TFR2: variants seen among roughly 807,000 people sequenced by gnomAD.
The protein encoded by TFR2 is transferrin receptor protein 2.
A neutral mutation model predicts 91.9 loss-of-function variants in TFR2; 64 were observed. That is an observed-to-expected ratio of 0.70 (90% confidence interval 0.57 to 0.86). The LOEUF is 0.86. Ranked by LOEUF, TFR2 falls within the 40% of genes least tolerant of loss-of-function variation. The probability of loss-of-function intolerance (pLI) is 0.00; values close to 1 mark genes in which losing one functional copy is unlikely to be tolerated. For missense variants in TFR2, 950 were observed against 1,080.5 expected, an observed-to-expected ratio of 0.88 and a Z score of 1.69; for synonymous variants, 454 against 459.6, an observed-to-expected ratio of 0.99 and a Z score of 0.15.
chr7:100,628,571 T>A (rs1803334418), intron 10 of TFR2, among the ~76,000 whole-genome samples: 2 of 151,970 alleles, frequency 1.3e-5, no homozygotes, highest in Admixed American at 6.6e-5. Context: ...AGCCAATTTT[T>A]AAAAAACTTT....
chr7:100,627,488 C>G lies in TFR2; in HGVS notation c.1771G>C (p.Asp591His), dbSNP rs1060502723. 15 of 1,611,078 alleles carry G rather than the reference C, an allele frequency of 9.3e-6. No homozygotes were observed. The highest frequency in any genetic ancestry group is 1.2e-5 in the Non-Finnish European group (14 of 1,178,674). The change falls in exon 16 of 18, where the codon GAC (aspartate) becomes CAC (histidine). Residue 591 changes from aspartate (D) to histidine (H), a missense_variant. By Grantham distance (81) the Asp-to-His change is moderately conservative. Coordinates refer to ENST00000223051, the MANE Select transcript of TFR2 (RefSeq NM_003227.4). ...PAVEFSFMED[D>H]QAYPFLHTKE... ...GTGTGCAGGAATGGGTAGGCCTGGT[C>G]GTCCTGCCAGGACAGGGTGGACGCT... is the stretch of plus-strand genomic sequence containing the variant.
At chr7:100,628,861 G>C (rs952758802) in intron 10 of TFR2, among the ~76,000 whole-genome samples, 4 of 151,918 alleles carry the variant, frequency 2.6e-5, no homozygotes, top group Admixed American at 2.6e-4. Flanking sequence ...CCGCCTCCCA[G>C]GTTCAAGCGA....
intron 6 of TFR2, 133 bp from the exon 7 acceptor site, chr7:100,632,331 G>A (rs1584459882): frequency 1.2e-6 from 1 of 850,022 alleles, no homozygotes; most frequent in East Asian, 2.6e-5. Flanking sequence ...GCACTACCTG[G>A]CCTGTGTCTT....
chr7:100,633,737 G>T (rs1803518746), intron 3 of TFR2, 181 bp from the exon 4 acceptor site: 14 of 1,011,648 alleles, frequency 1.4e-5, no homozygotes, highest in Non-Finnish European at 1.7e-5. Flanking sequence ...GAGACGGAGT[G>T]TCGCTCTGTC....
At chr7:100,624,849 G>C (rs1803209500) in intron 17 of TFR2, among the ~76,000 whole-genome samples, 2 of 151,152 alleles carry the variant, frequency 1.3e-5, no homozygotes. Flanking sequence ...TCCAGCCTGG[G>C]CAACAGAGTG....
At position 100,626,883 on chromosome 7, in the gene TFR2, C is replaced by T. The variant is rs934571024; in HGVS notation, c.2016G>A (p.Gln672=). The change falls in exon 17 of 18, where the codon CAG becomes CAA. Residue 672 remains glutamine, a synonymous_variant. Transcript: ENST00000223051. ...GDLKARGLTL[Q]WVYSARGDYI... ...AGTCCCCCCGCGCCGAGTACACCCA[C>T]TGCAGGGTCAGCCCGCGGGCCTGGG... The T allele has an allele frequency of 1.9e-6, 3 of 1,544,464 alleles. No homozygotes were observed. The highest frequency in any genetic ancestry group is 2.6e-6 in the Non-Finnish European group (3 of 1,146,818).
chr7:100,624,667 A>T (rs1803204262), intron 17 of TFR2, among the ~76,000 whole-genome samples: 1 of 152,120 alleles, frequency 6.6e-6, no homozygotes, highest in South Asian at 2.1e-4. Context: ...GGATTTTGAG[A>T]CAAGCCTGGA....
chr7:100,641,252 G>A (rs1251965449), intron 1 of TFR2, 24 bp from the exon 2 acceptor site: 1 of 1,525,190 alleles, frequency 6.6e-7, no homozygotes, highest in Non-Finnish European at 8.8e-7. Context: ...GTGGGCATGA[G>A]ATTGGGGCAA....
At position 100,630,952 on chromosome 7, in the gene TFR2, TG is replaced by T. The variant is rs1471190880; in HGVS notation, c.1206del (p.Asn402LysfsTer60). On this transcript the variant is annotated frameshift_variant, in exon 9 of 18. Coordinates refer to ENST00000223051, the MANE Select transcript of TFR2 (RefSeq NM_003227.4). LOFTEE classifies it high-confidence loss of function. ...TTGATGGGGGTGGAGGTCCTGTGAT[TG>T]TTGACCACTAGCCGCAGTCGTGGCC... Reference protein sequence around the residue: ...GPGPRLRLVVNNHRTSTPINN... With the variant: ...GPGPRLRLVVXNHRTSTPINN... 1 of 1,613,218 alleles carries T rather than the reference TG, an allele frequency of 6.2e-7. No individual in the cohort carries two copies.
At position 100,633,130 on chromosome 7, in the gene TFR2, A is replaced by G. The variant is rs1803497133; in HGVS notation, c.727-7T>C. On this transcript the variant is annotated splice_region_variant and splice_polypyrimidine_tract_variant and intron_variant, in intron 5 of 17. Coordinates refer to ENST00000223051, the MANE Select transcript of TFR2 (RefSeq NM_003227.4). ...GGGCGTACACCAGCTCTCCCTGGGGACACGAGGACGGTGAGGCGCGCTCCC... is the reference window on the plus strand; with the variant it reads ...GGGCGTACACCAGCTCTCCCTGGGGGCACGAGGACGGTGAGGCGCGCTCCC... 6.2e-7 allele frequency: 1 copy of G among 1,613,124 alleles called. No individual in the cohort carries two copies. Among genetic ancestry groups the G allele is most frequent in the Non-Finnish European group, 8.5e-7 (1 of 1,179,788 alleles).
rs577722163 is a variant in TFR2 at position 100,627,897 on chromosome 7, G to C, written c.1605+10C>G. On this transcript the variant is annotated intron_variant, in intron 13 of 17. Transcript: ENST00000223051. ...CTCCCCTTCACCCCCTATTCCTGGG[G>C]TGCTCTTGCCTGCTTCAGGACACTC... is the stretch of plus-strand genomic sequence containing the variant. 46 of 1,614,076 alleles carry C rather than the reference G, an allele frequency of 2.8e-5. No individual in the cohort carries two copies. The South Asian group carries it at 4.8e-4, about 17-fold the overall frequency.
chr7:100,623,227 C>G (rs11766643), intron 17 of TFR2, among the ~76,000 whole-genome samples: 24,833 of 152,270 alleles, frequency 0.16, 2,247 homozygotes, highest in Non-Finnish European at 0.2. Flanking sequence ...GAGCCGAGAT[C>G]GTGCCACTGC....
chr7:100,633,898 G>A (rs1158059787), intron 3 of TFR2, among the ~76,000 whole-genome samples: 2 of 151,502 alleles, frequency 1.3e-5, no homozygotes, highest in African/African-American at 2.4e-5. Context: ...TAGTAGAGAC[G>A]GGTTTCACCA....
Position 100,626,791 on chromosome 7 carries a change from G to C in TFR2, c.2108C>G (p.Thr703Arg). The change falls in exon 17 of 18, where the codon ACA becomes AGA. Residue 703 changes from threonine (T) to arginine (R), a missense_variant. By Grantham distance (71) the Thr-to-Arg change is moderately conservative. Transcript: ENST00000223051. ...CATTATGCGCACGTTGTACATGCGT[G>C]TCAGTCGCTCGTCTCTCTCCTCCGA... The part of the protein sequence containing the change: ...YSSEERDERL[T>R]RMYNVRIMRV... The C allele has an allele frequency of 1.3e-6, 2 of 1,547,940 alleles. No homozygotes were observed. Among genetic ancestry groups the C allele is most frequent in the Non-Finnish European group, 1.7e-6 (2 of 1,146,896 alleles).
At chr7:100,637,766 T>C (rs1404129554) in intron 3 of TFR2, among the ~76,000 whole-genome samples, 1 of 151,928 alleles carries the variant, frequency 6.6e-6, no homozygotes, top group Non-Finnish European at 1.5e-5. Flanking sequence ...TGAGCCCAGA[T>C]TGCACCACTG....
intron 17 of TFR2, among the ~76,000 whole-genome samples, chr7:100,625,446 T>C (rs574635242): frequency 4.5e-4 from 68 of 152,262 alleles, no homozygotes; most frequent in African/African-American, 1.6e-3. Flanking sequence ...TTTTGTCTTC[T>C]GCATGCTGAC....
Position 100,627,387 on chromosome 7 carries a change from C to T in TFR2, c.1872G>A (p.Gln624=). ...GCCGGATGAGGAGCTGCCCTGCGAGCTGGGCCACGGCCTGGGCCACGGCGG... is the reference window on the plus strand; with the variant it reads ...GCCGGATGAGGAGCTGCCCTGCGAGTTGGGCCACGGCCTGGGCCACGGCGG... ...RLPAVAQAVA[Q]LAGQLLIRLS... The change falls in exon 16 of 18, where the codon CAG becomes CAA. Residue 624 remains glutamine (Q), a synonymous_variant. Coordinates refer to ENST00000223051, the MANE Select transcript of TFR2 (RefSeq NM_003227.4). The T allele has an allele frequency of 6.4e-7, 1 of 1,559,962 alleles. No homozygotes were observed. Among genetic ancestry groups the T allele is most frequent in the South Asian group, 1.2e-5 (1 of 84,958 alleles).
At chr7:100,641,377 C>G in intron 1 of TFR2, 100 bp downstream of exon 1, 2 of 1,540,212 alleles carry the variant, frequency 1.3e-6, no homozygotes, top group Middle Eastern at 2.2e-4. Context: ...GAAGCGAGGT[C>G]AGGACACGGT....
At chr7:100,631,580 C>A in intron 8 of TFR2, 1 of 449,126 alleles carries the variant, frequency 2.2e-6, no homozygotes, top group Non-Finnish European at 3.9e-6. Context: ...GCCAAGATTG[C>A]ACCACTGCAC....
Sources: allele counts gnomAD v4.1 joint callset (sites outside exome capture counted in the v4.1 genomes callset), GRCh38; gene constraint gnomAD v4.1.1; transcripts MANE v1.5; gene names NCBI Gene and HGNC (gene_info 2026-07-23, HGNC 2026-07-21).